Variants in ADGRL2 observed in about 807,000 individuals in gnomAD.
ADGRL2 encodes the protein adhesion G protein-coupled receptor L2.
A neutral mutation model predicts 157.4 loss-of-function variants in ADGRL2; 44 were observed. The ratio of observed to expected loss-of-function variants is 0.28; its 90% CI spans 0.22 to 0.36. The LOEUF (loss-of-function observed/expected upper bound fraction) is 0.36. ADGRL2 is among the 10% of genes least tolerant of loss of function. The pLI is 1.00. For missense variants in ADGRL2, 1,510 were observed against 1,768.9 expected, an observed-to-expected ratio of 0.85 and a Z score of 2.63; for synonymous variants, 585 against 624.7, an observed-to-expected ratio of 0.94 and a Z score of 0.95.
upstream of ADGRL2, among the ~76,000 whole-genome samples, chr1:81,796,470 C>G (rs528781237): frequency 1.3e-5 from 2 of 152,182 alleles, no homozygotes; most frequent in South Asian, 4.1e-4. Flanking sequence ...ATAAAATTCT[C>G]AAGATGCAGA....
chr1:81,892,560 A>G (rs116079117), intron 2 of ADGRL2, among the ~76,000 whole-genome samples: 2,855 of 152,212 alleles, frequency 0.019, 86 homozygotes, highest in African/African-American at 0.065. Flanking sequence ...CATTGACAAG[A>G]GGAGATTGTA....
intron 2 of ADGRL2, among the ~76,000 whole-genome samples, chr1:81,468,431 AAGAC>A (rs2078104687): frequency 6.6e-6 from 1 of 152,210 alleles, no homozygotes. Context: ...AGCCTAATCA[AAGAC>A]AGAAAATAAA....
At chr1:81,573,036 GCTAA>G (rs562811374) in intron 2 of ADGRL2, among the ~76,000 whole-genome samples, 60 of 151,724 alleles carry the variant, frequency 4.0e-4, no homozygotes, top group Middle Eastern at 3.4e-3. Flanking sequence ...ATCTAGGAGG[GCTAA>G]CTCTTTAAGT....
intron 2 of ADGRL2, among the ~76,000 whole-genome samples, chr1:81,523,779 T>C (rs1199289002): frequency 6.6e-6 from 1 of 152,110 alleles, no homozygotes; most frequent in Admixed American, 6.6e-5. Flanking sequence ...ATTTTAAAAA[T>C]CGGGCCTGGT....
intron 2 of ADGRL2, among the ~76,000 whole-genome samples, chr1:81,465,523 G>A (rs1373279216): frequency 6.6e-6 from 1 of 151,964 alleles, no homozygotes; most frequent in African/African-American, 2.4e-5. Context: ...AGCTGCAAGT[G>A]TTAAGAATAT....
In ADGRL2 at chr1:81,406,473, T is replaced by C. The variant is rs149327627; in HGVS notation, c.-301-38563T>C. ...TGGTACAGAACGTCCCAAGGAGTCT[T>C]TGTTCCCAGGAGATTTCTCAACCCA... is the stretch of plus-strand genomic sequence containing the variant. On this transcript the variant is annotated intron_variant, in intron 1 of 24. Coordinates refer to the ADGRL2 transcript ENST00000370721. Among the ~76,000 whole-genome samples, 116 of 152,260 alleles carry C rather than the reference T, an allele frequency of 7.6e-4. 1 individual carries two copies. Among genetic ancestry groups the C allele is most frequent in the African/African-American group, 2.6e-3 (108 of 41,562 alleles).
chr1:81,335,160 C>T (rs1283844403), intron 1 of ADGRL2, among the ~76,000 whole-genome samples: 1 of 152,152 alleles, frequency 6.6e-6, no homozygotes, highest in Non-Finnish European at 1.5e-5. Context: ...CCTTATGAAT[C>T]ATCTTATAAT....
At chr1:81,812,026 G>T (rs976699159) in intron 1 of ADGRL2, among the ~76,000 whole-genome samples, 9 of 151,680 alleles carry the variant, frequency 5.9e-5, no homozygotes, top group African/African-American at 2.2e-4. Flanking sequence ...TCTTAACCAG[G>T]ATGGAGGGCA....
intron 2 of ADGRL2, among the ~76,000 whole-genome samples, chr1:81,900,149 A>T (rs1372957526): frequency 1.3e-5 from 2 of 152,046 alleles, no homozygotes; most frequent in East Asian, 1.9e-4. Flanking sequence ...TGTTTTGAGG[A>T]TTCATAATCA....
chr1:81,601,284 TTTTAA>T (rs750091252), intron 3 of ADGRL2, among the ~76,000 whole-genome samples: 96 of 152,356 alleles, frequency 6.3e-4, no homozygotes, highest in Middle Eastern at 6.8e-3. Context: ...TTGGTGAGTC[TTTTAA>T]TTTGTTTGTG....
At chr1:81,346,646 T>G (rs1432047525) in intron 1 of ADGRL2, among the ~76,000 whole-genome samples, 1 of 152,178 alleles carries the variant, frequency 6.6e-6, no homozygotes, top group African/African-American at 2.4e-5. Flanking sequence ...CCCCTCCATA[T>G]GATGGCACAA....
intron 3 of ADGRL2, among the ~76,000 whole-genome samples, chr1:81,654,584 T>A (rs1326268771): frequency 2.0e-5 from 3 of 152,206 alleles, no homozygotes; most frequent in Non-Finnish European, 2.9e-5. Context: ...CTAAAAAATG[T>A]CAAAACTGCT....
At chr1:81,762,723 G>A (rs1331807341) in intron 2 of ADGRL2, among the ~76,000 whole-genome samples, 2 of 152,052 alleles carry the variant, frequency 1.3e-5, no homozygotes, top group Non-Finnish European at 2.9e-5. Flanking sequence ...TATAGACAGA[G>A]GAGAGAGACT....
chr1:81,872,989 G>A (rs1382047379), intron 2 of ADGRL2, among the ~76,000 whole-genome samples: 1 of 152,062 alleles, frequency 6.6e-6, no homozygotes, highest in Non-Finnish European at 1.5e-5. Context: ...GAAGAACATG[G>A]ATTAAAATGA....
chr1:81,383,178 C>T lies in ADGRL2; in HGVS notation c.-301-61858C>T, dbSNP rs543175178. 3.3e-5 allele frequency among the ~76,000 whole-genome samples: 5 copies of T among 152,304 alleles called. No individual in the cohort carries two copies. The Middle Eastern group carries it at 0.01, about 311-fold the overall frequency. The stretch of plus-strand genomic sequence containing the variant: ...GGAAAGCCTAGATAAAGGAAAAGAA[C>T]TTTTTCCTCTAACGTTATTCTAAAT... On this transcript the variant is annotated intron_variant, in intron 1 of 24. Coordinates refer to the ADGRL2 transcript ENST00000370721.
chr1:81,358,573 C>T (rs1423322676), intron 1 of ADGRL2, among the ~76,000 whole-genome samples: 1 of 152,096 alleles, frequency 6.6e-6, no homozygotes, highest in Non-Finnish European at 1.5e-5. Flanking sequence ...ATGAAATTTT[C>T]TTTCTAGTGT....
chr1:81,930,336 T>C (rs1179032722), intron 3 of ADGRL2, among the ~76,000 whole-genome samples: 2 of 152,182 alleles, frequency 1.3e-5, no homozygotes, highest in Non-Finnish European at 2.9e-5. Flanking sequence ...TTTTAAGTAA[T>C]TTCCATATAC....
chr1:81,723,127 T>C (rs958532691), intron 1 of ADGRL2: 16 of 655,094 alleles, frequency 2.4e-5, no homozygotes, highest in Non-Finnish European at 4.4e-5. Context: ...GATTACCTTA[T>C]GGATGTCGCA....
chr1:81,948,287 A>G (rs1650586675), intron 6 of ADGRL2, among the ~76,000 whole-genome samples: 2 of 151,840 alleles, frequency 1.3e-5, no homozygotes, highest in South Asian at 4.1e-4. Context: ...CAATGGAAAC[A>G]TGGCTGTAGA....
Sources: allele counts gnomAD v4.1 joint callset (sites outside exome capture counted in the v4.1 genomes callset), GRCh38; gene constraint gnomAD v4.1.1; transcripts MANE v1.5; gene names NCBI Gene and HGNC (gene_info 2026-07-23, HGNC 2026-07-21).